Variants in GPR161 observed in about 807,000 individuals in gnomAD.
GPR161 encodes the protein G-protein coupled receptor RE2.
A neutral mutation model predicts 39.2 loss-of-function variants in GPR161; 25 were observed. The ratio of observed to expected loss-of-function variants is 0.64; its 90% CI spans 0.47 to 0.89. The LOEUF (loss-of-function observed/expected upper bound fraction) is 0.89. GPR161 is among the 40% of genes least tolerant of loss of function. GPR161 has a pLI of 0.00. For synonymous variants in GPR161, 286 were observed against 276.6 expected (o/e 1.03, Z -0.34); for missense variants, 547 against 677.8 (o/e 0.81, Z 2.14).
In GPR161 at chr1:168,096,617, T is replaced by G; in HGVS notation, c.990A>C (p.Thr330=). The G allele has an allele frequency of 1.2e-6, 2 of 1,614,246 alleles. No homozygotes were observed. Among genetic ancestry groups the G allele is most frequent in the Middle Eastern group, 1.6e-4 (1 of 6,062 alleles). ...HPLIYGLWNK[T]VRKELLGMCF... is the part of the protein sequence containing the mutation. ...ACATGCCCAGTAGTTCTTTGCGAAC[T>G]GTCTTGTTCCAGAGTCCATAGATCA... is the stretch of plus-strand genomic sequence containing the variant. The change falls in exon 3 of 6, where the codon ACA becomes ACC. Residue 330 remains threonine (T), a synonymous_variant. Coordinates refer to ENST00000682931, the MANE Select transcript of GPR161 (RefSeq NM_001375883.1).
chr1:168,130,422 G>T (rs192594803), intron 1 of GPR161, among the ~76,000 whole-genome samples: 10 of 152,222 alleles, frequency 6.6e-5, no homozygotes, highest in Non-Finnish European at 2.9e-5. Context: ...AGAGCTGCTG[G>T]GGATCACCAC....
Position 168,127,963 on chromosome 1 carries a change from A to G in GPR161, c.-45+8776T>C, listed in dbSNP as rs376420191. Among the ~76,000 whole-genome samples the G allele has an allele frequency of 1.0e-3, 154 of 152,330 alleles. 1 individual carries two copies. The South Asian group carries it at 0.018, about 17-fold the overall frequency. Reference sequence around the variant, plus strand: ...TAAGGGGCTCAGGGCCTGAAGATTTAAAGCCCCACTATAGGAAGATGCCCC... The same window carrying G: ...TAAGGGGCTCAGGGCCTGAAGATTTGAAGCCCCACTATAGGAAGATGCCCC... On this transcript the variant is annotated intron_variant, in intron 1 of 5. Transcript: ENST00000682931.
intron 1 of GPR161, among the ~76,000 whole-genome samples, chr1:168,111,866 ACAT>A (rs1697200530): frequency 6.6e-6 from 1 of 152,120 alleles, no homozygotes; most frequent in African/African-American, 2.4e-5. Flanking sequence ...GTATCAAGAC[ACAT>A]CATAATAAAA....
chr1:168,123,738 C>T (rs965069279), intron 1 of GPR161, among the ~76,000 whole-genome samples: 13 of 152,088 alleles, frequency 8.5e-5, no homozygotes, highest in Non-Finnish European at 1.9e-4. Context: ...TGAAGGTGAA[C>T]GTGAAGAGCC....
chr1:168,101,586 C>T (rs572028455), intron 2 of GPR161, among the ~76,000 whole-genome samples: 85 of 152,308 alleles, frequency 5.6e-4, no homozygotes, highest in Middle Eastern at 3.4e-3. Flanking sequence ...AGAGTTACTT[C>T]CCAGCCACGT....
chr1:168,119,912 T>C (rs913976455), intron 1 of GPR161, among the ~76,000 whole-genome samples: 2 of 152,076 alleles, frequency 1.3e-5, no homozygotes, highest in Admixed American at 1.3e-4. Context: ...AGAGGATGTA[T>C]GGAAATGCCT....
At chr1:168,134,888 TA>T (rs1484469579) in intron 1 of GPR161, 1 of 1,534,644 alleles carries the variant, frequency 6.5e-7, no homozygotes, top group Non-Finnish European at 8.7e-7. Flanking sequence ...CAGTGGAGTT[TA>T]CACCACAGAA....
chr1:168,136,725 C>A lies in GPR161; in HGVS notation c.-45+14G>T, dbSNP rs1022063526. 5.9e-6 allele frequency: 6 copies of A among 1,021,096 alleles called. No individual in the cohort carries two copies. The highest frequency in any genetic ancestry group is 4.5e-5 in the South Asian group (1 of 22,452). 63.3% of individuals were successfully genotyped at this position (1,021,096 alleles called of 1,614,324 possible). The stretch of plus-strand genomic sequence containing the variant: ...CGCCCGGGCCCGCGCCCGCGCCCCA[C>A]GCCGGGTGCTCACCGAGGAGCGGCC... On this transcript the variant is annotated intron_variant, in intron 1 of 5. Coordinates refer to ENST00000682931, the MANE Select transcript of GPR161 (RefSeq NM_001375883.1).
In GPR161 at chr1:168,096,504, T is replaced by C. The variant is rs745976017; in HGVS notation, c.1099+4A>G. ...AGGGGCTATCCTAACAATGCCCAAG[T>C]TACCTGTGATCCTGTTGGAAATGCT... On this transcript the variant is annotated splice_donor_region_variant and intron_variant, in intron 3 of 5. Transcript: ENST00000682931. The C allele has an allele frequency of 6.2e-7, 1 of 1,611,584 alleles. No homozygotes were observed. The highest frequency in any genetic ancestry group is 2.2e-5 in the East Asian group (1 of 44,862).
chr1:168,116,045 G>A (rs1462011498), intron 1 of GPR161, among the ~76,000 whole-genome samples: 4 of 152,138 alleles, frequency 2.6e-5, no homozygotes, highest in African/African-American at 9.7e-5. Flanking sequence ...CCAAAGTGCT[G>A]GGATTATAGG....
At chr1:168,117,400 T>A (rs1697722801) in intron 1 of GPR161, among the ~76,000 whole-genome samples, 1 of 152,164 alleles carries the variant, frequency 6.6e-6, no homozygotes, top group Non-Finnish European at 1.5e-5. Flanking sequence ...AGAGGCAGCA[T>A]GACATAATGG....
chr1:168,118,814 G>A (rs368345756), intron 1 of GPR161: 7 of 151,910 alleles, frequency 4.6e-5, no homozygotes, highest in Non-Finnish European at 8.8e-5. Context: ...CAAAGAAGAC[G>A]AGCAAATGGC....
In GPR161 at chr1:168,096,396, G is replaced by A; in HGVS notation, c.1099+112C>T. ...TCTTCCGAAAGGAAATCTGTGCTTTGAGCCTTACCGCCAGTCAGCCTGAGA... is the reference window on the plus strand; with the variant it reads ...TCTTCCGAAAGGAAATCTGTGCTTTAAGCCTTACCGCCAGTCAGCCTGAGA... On this transcript the variant is annotated intron_variant, in intron 3 of 5. Coordinates refer to ENST00000682931, the MANE Select transcript of GPR161 (RefSeq NM_001375883.1). 2.8e-6 allele frequency: 3 copies of A among 1,076,314 alleles called. No homozygotes were observed. The South Asian group carries it at 4.6e-5, about 17-fold the overall frequency. The allele number at this position is 1,076,314 out of a possible 1,614,324, so 66.7% of individuals were successfully genotyped here.
At chr1:168,136,969 G>T (rs1328539979), upstream of GPR161, 1 of 384,660 alleles carries the variant, frequency 2.6e-6, no homozygotes, top group Non-Finnish European at 2.9e-6. Flanking sequence ...CCCCCCCCAC[G>T]CCCGGCCGGG....
intron 1 of GPR161, among the ~76,000 whole-genome samples, chr1:168,135,288 T>A (rs941773583): frequency 6.6e-6 from 1 of 152,222 alleles, no homozygotes; most frequent in Non-Finnish European, 1.5e-5. Flanking sequence ...TCATCTCTCC[T>A]GAGCCTCAGT....
intron 1 of GPR161, among the ~76,000 whole-genome samples, chr1:168,118,342 G>A (rs921610737): frequency 3.3e-5 from 5 of 152,210 alleles, no homozygotes; most frequent in African/African-American, 1.2e-4. Context: ...TACATTAGGT[G>A]AAGCAACTCA....
At chr1:168,130,806 C>T (rs777223395) in intron 1 of GPR161, among the ~76,000 whole-genome samples, 1 of 152,168 alleles carries the variant, frequency 6.6e-6, no homozygotes, top group Non-Finnish European at 1.5e-5. Flanking sequence ...AAATGGAATT[C>T]ACATCTCTGC....
intron 1 of GPR161, among the ~76,000 whole-genome samples, chr1:168,112,390 G>A (rs550531704): frequency 1.0e-3 from 145 of 144,632 alleles, no homozygotes; most frequent in Non-Finnish European, 1.7e-3. Flanking sequence ...TGAGGCAGGA[G>A]AATGGCGTGA....
Position 168,096,521 on chromosome 1 carries a change from G to A in GPR161, c.1086C>T (p.Ser362=), listed in dbSNP as rs201424067. ...TGCCCAAGTTACCTGTGATCCTGTT[G>A]GAAATGCTGAAGAGCCTGGAAGTCC... The part of the protein sequence containing the change: ...RQRTSRLFSI[S]NRITDLGLSP... The change falls in exon 3 of 6, where the codon TCC becomes TCT. Residue 362 remains serine, a synonymous_variant. Transcript: ENST00000682931. 6.2e-7 allele frequency: 1 copy of A among 1,613,532 alleles called. No individual in the cohort carries two copies. Among genetic ancestry groups the A allele is most frequent in the Non-Finnish European group, 8.5e-7 (1 of 1,179,708 alleles).
Sources: gnomAD v4.1 joint callset for allele counts (sites outside exome capture counted in the v4.1 genomes callset) on GRCh38, gnomAD v4.1.1 for gene constraint, MANE v1.5 for transcripts, NCBI Gene and HGNC (gene_info 2026-07-23, HGNC 2026-07-21) for gene names.